The following MICU2 variants were observed in gnomAD, a reference collection of about 807,000 sequenced individuals.
The protein encoded by MICU2 is calcium uptake protein 2, mitochondrial.
A neutral mutation model predicts 60.4 loss-of-function variants in MICU2; 64 were observed. The observed-to-expected ratio is 1.06, with a 90% CI of 0.87 to 1.31. The LOEUF is 1.31. Ranked by LOEUF, MICU2 falls within the 50% of genes most tolerant of loss-of-function variation. MICU2 has a pLI of 0.00. For missense variants in MICU2, 569 were observed against 531.0 expected (o/e 1.07, Z -0.70); for synonymous variants, 201 against 175.0 (o/e 1.15, Z -1.17).
chr13:21,600,000 A>G lies in MICU2; in HGVS notation c.210+3939T>C, dbSNP rs77412370. ...TCATTAAATGAAGAAAACATTAAAC[A>G]ATTTATGAAAACAATGAAACAAAAT... On this transcript the variant is annotated intron_variant, in intron 1 of 11. Coordinates refer to ENST00000382374, the MANE Select transcript of MICU2 (RefSeq NM_152726.3). Among the ~76,000 whole-genome samples the G allele has an allele frequency of 2.6e-3, 398 of 152,368 alleles. 1 individual carries two copies. The highest frequency in any genetic ancestry group is 9.2e-3 in the African/African-American group (384 of 41,588).
At chr13:21,494,395 T>C (rs1302182538) in intron 11 of MICU2, among the ~76,000 whole-genome samples, 1 of 152,226 alleles carries the variant, frequency 6.6e-6, no homozygotes, top group East Asian at 1.9e-4. Context: ...CATTCTAATC[T>C]GAACAAAAAT....
chr13:21,537,137 T>A (rs1292101844), intron 4 of MICU2, among the ~76,000 whole-genome samples: 2 of 152,196 alleles, frequency 1.3e-5, no homozygotes, highest in African/African-American at 2.4e-5. Flanking sequence ...TCTTTTTAAA[T>A]TTTTCTTCCT....
intron 9 of MICU2, among the ~76,000 whole-genome samples, chr13:21,501,509 G>A (rs545726235): frequency 1.9e-4 from 29 of 152,168 alleles, no homozygotes; most frequent in East Asian, 1.4e-3. Flanking sequence ...TGATCTGCCC[G>A]CCTTGGCCTC....
At chr13:21,554,713 C>CA (rs924552996) in intron 2 of MICU2, among the ~76,000 whole-genome samples, 23 of 151,998 alleles carry the variant, frequency 1.5e-4, no homozygotes, top group African/African-American at 4.3e-4. Flanking sequence ...AAAAATCCTT[C>CA]AAAAAAATCA....
At chr13:21,537,727 T>C (rs1887168874) in intron 4 of MICU2, among the ~76,000 whole-genome samples, 1 of 152,056 alleles carries the variant, frequency 6.6e-6, no homozygotes, top group South Asian at 2.1e-4. Context: ...TGCCTCGGCC[T>C]CAATGGCCTC....
At chr13:21,566,769 A>G (rs568539904) in intron 2 of MICU2, 28 bp downstream of exon 2, 2 of 1,506,222 alleles carry the variant, frequency 1.3e-6, no homozygotes, top group East Asian at 4.9e-5. Flanking sequence ...TGATTTTTTT[A>G]ATTAAAAAAA....
chr13:21,556,259 C>T (rs1887706013), intron 2 of MICU2, among the ~76,000 whole-genome samples: 1 of 152,184 alleles, frequency 6.6e-6, no homozygotes, highest in African/African-American at 2.4e-5. Context: ...GATTTCTCAA[C>T]AGCATTTTTC....
chr13:21,586,450 T>C (rs1356405307), intron 1 of MICU2, among the ~76,000 whole-genome samples: 1 of 152,176 alleles, frequency 6.6e-6, no homozygotes, highest in Admixed American at 6.5e-5. Context: ...GTCTGCCGTC[T>C]AGGCTAGAAT....
intron 1 of MICU2, among the ~76,000 whole-genome samples, chr13:21,582,191 C>T (rs990368036): frequency 6.6e-6 from 1 of 152,216 alleles, no homozygotes; most frequent in Non-Finnish European, 1.5e-5. Flanking sequence ...GCCTGGACAG[C>T]TTACTTTCCC....
chr13:21,591,245 C>G (rs939390735), intron 1 of MICU2, among the ~76,000 whole-genome samples: 3 of 150,198 alleles, frequency 2.0e-5, no homozygotes, highest in Non-Finnish European at 4.4e-5. Flanking sequence ...TCTGACAAAA[C>G]AGACCTTAAA....
chr13:21,553,103 C>G (rs1418115697), intron 2 of MICU2, among the ~76,000 whole-genome samples: 1 of 152,188 alleles, frequency 6.6e-6, no homozygotes, highest in Non-Finnish European at 1.5e-5. Flanking sequence ...TCTTTTATTT[C>G]ATTGAGCAGT....
chr13:21,541,864 A>G (rs886673993), intron 2 of MICU2, among the ~76,000 whole-genome samples: 2 of 152,198 alleles, frequency 1.3e-5, no homozygotes, highest in African/African-American at 4.8e-5. Context: ...GTATATAAAA[A>G]TTTGATCATC....
intron 4 of MICU2, among the ~76,000 whole-genome samples, chr13:21,529,521 G>C (rs1378951370): frequency 6.6e-6 from 1 of 152,232 alleles, no homozygotes; most frequent in Non-Finnish European, 1.5e-5. Context: ...AGAGTAGTAA[G>C]TGAAGGACAA....
At chr13:21,545,792 G>A (rs1193992634) in intron 2 of MICU2, among the ~76,000 whole-genome samples, 1 of 152,114 alleles carries the variant, frequency 6.6e-6, no homozygotes, top group Non-Finnish European at 1.5e-5. Flanking sequence ...CAAAATTACC[G>A]CAAGACTGGA....
chr13:21,594,356 T>C lies in MICU2; in HGVS notation c.210+9583A>G, dbSNP rs185707221. 1.3e-5 allele frequency among the ~76,000 whole-genome samples: 2 copies of C among 152,108 alleles called. 1 individual carries two copies. Among genetic ancestry groups the C allele is most frequent in the Non-Finnish European group, 2.9e-5 (2 of 67,974 alleles). ...TACCATCTCATGCCAGTCAGAATGG[T>C]GATTATTAAAAAGTCAGGAAACAAT... On this transcript the variant is annotated intron_variant, in intron 1 of 11. Transcript: ENST00000382374.
chr13:21,507,640 GT>G (rs947483563), intron 8 of MICU2, among the ~76,000 whole-genome samples: 1 of 148,096 alleles, frequency 6.8e-6, no homozygotes, highest in Non-Finnish European at 1.5e-5. Context: ...GTCTCACTCC[GT>G]TGCCCAGGCT....
chr13:21,581,388 G>A (rs920567802), intron 1 of MICU2, among the ~76,000 whole-genome samples: 1 of 152,170 alleles, frequency 6.6e-6, no homozygotes, highest in Non-Finnish European at 1.5e-5. Flanking sequence ...AAAGTGCTGG[G>A]ATTACAGGTG....
chr13:21,590,697 T>C, intron 1 of MICU2, among the ~76,000 whole-genome samples: 1 of 152,024 alleles, frequency 6.6e-6, no homozygotes, highest in Non-Finnish European at 1.5e-5. Flanking sequence ...CTACTAAAAA[T>C]ACAAAAAATT....
chr13:21,551,826 C>T (rs188865403), intron 2 of MICU2, among the ~76,000 whole-genome samples: 2 of 151,930 alleles, frequency 1.3e-5, no homozygotes, highest in East Asian at 3.9e-4. Flanking sequence ...TTTTCTTAAT[C>T]CAGTCTTTGT....
Sources: gnomAD v4.1 joint callset for allele counts (sites outside exome capture counted in the v4.1 genomes callset) on GRCh38, gnomAD v4.1.1 for gene constraint, MANE v1.5 for transcripts, NCBI Gene and HGNC (gene_info 2026-07-23, HGNC 2026-07-21) for gene names.